Variants in MXRA8 observed in about 807,000 individuals in gnomAD.
MXRA8 encodes matrix remodeling associated 8.
A neutral mutation model predicts 51.4 loss-of-function variants in MXRA8; 44 were observed. The observed-to-expected ratio is 0.86, with a 90% confidence interval of 0.67 to 1.10. The LOEUF (loss-of-function observed/expected upper bound fraction) is 1.10. Among genes scored for constraint, MXRA8 ranks in the 50% least tolerant of loss-of-function variants. The probability of loss-of-function intolerance (pLI) is 0.00; values close to 1 mark genes in which losing one functional copy is unlikely to be tolerated. For synonymous variants in MXRA8, 369 were observed against 293.5 expected, an observed-to-expected ratio of 1.26 and a Z score of -2.63; for missense variants, 765 against 638.9, an observed-to-expected ratio of 1.20 and a Z score of -2.13.
At chr1:1,361,497 AC>A, upstream of MXRA8, 1 of 575,422 alleles carries the variant, frequency 1.7e-6, no homozygotes, top group Non-Finnish European at 3.1e-6. Context: ...AACCTCTGTG[AC>A]AGCAAATGCC....
chr1:1,362,552 G>C (rs1333414111), upstream of MXRA8, among the ~76,000 whole-genome samples: 1 of 151,926 alleles, frequency 6.6e-6, no homozygotes, highest in East Asian at 1.9e-4. Flanking sequence ...GGCCAAGGTG[G>C]GCAGATCACC....
At position 1,352,907 on chromosome 1, in the gene MXRA8, G is replaced by C. The variant is rs1380988674; in HGVS notation, c.*697C>G. On this transcript the variant is annotated 3_prime_UTR_variant, in exon 10 of 10. Coordinates refer to ENST00000309212, the MANE Select transcript of MXRA8 (RefSeq NM_032348.4). The stretch of plus-strand genomic sequence containing the variant: ...AGGGTCAGAAGTCACAGGGAGCCCA[G>C]TGACTATCAAGGTGGCTGAGAGCAA... The C allele has an allele frequency of 6.2e-6, 2 of 321,222 alleles. No homozygotes were observed. The highest frequency in any genetic ancestry group is 1.2e-5 in the Non-Finnish European group (2 of 171,922). The allele number at this position is 321,222 out of a possible 1,614,324, so 19.9% of individuals were successfully genotyped here. A position where few individuals can be genotyped will look rare whatever the true frequency, so the allele number is the denominator to read the frequency against.
At chr1:1,357,317 G>A (rs1047260788) in intron 1 of MXRA8, among the ~76,000 whole-genome samples, 4 of 152,256 alleles carry the variant, frequency 2.6e-5, no homozygotes, top group African/African-American at 9.6e-5. Context: ...CTGCCACCCG[G>A]GACAGTTTCC....
In MXRA8 at chr1:1,355,050, G is replaced by A. The variant is rs764631766; in HGVS notation, c.581C>T (p.Thr194Ile). 1.9e-6 allele frequency: 3 copies of A among 1,605,998 alleles called. No homozygotes were observed. The highest frequency in any genetic ancestry group is 1.7e-5 in the Admixed American group (1 of 59,348). ...TTGAGCCTCCTCCACGTGCCGGTCG[G>A]TCCACACGTGCCCGCGGTTCACGCA... ...LTCVNRGHVWTDRHVEEAQQV... is the reference protein window; with the variant it reads ...LTCVNRGHVWIDRHVEEAQQV... Residue 194 changes from threonine to isoleucine, a missense_variant, in exon 5 of 10, where the codon ACC becomes ATC. Transcript: ENST00000309212.
Position 1,354,505 on chromosome 1 carries a change from G to A in MXRA8, c.954C>T (p.Pro318=), listed in dbSNP as rs1644076728. 3.1e-6 allele frequency: 5 copies of A among 1,611,066 alleles called. No homozygotes were observed. The highest frequency in any genetic ancestry group is 1.7e-4 in the Middle Eastern group (1 of 5,864). Residue 318 remains proline, a synonymous_variant, in exon 6 of 10, where the codon CCC becomes CCT. Coordinates refer to ENST00000309212, the MANE Select transcript of MXRA8 (RefSeq NM_032348.4). ...SSHSGAPGPD[P]TLARGHNVIN... ...TGACGTTGTGGCCGCGCGCCAGTGTGGGGTCTGCGGGGAACGCGGGGTCGG... is the reference window on the plus strand; with the variant it reads ...TGACGTTGTGGCCGCGCGCCAGTGTAGGGTCTGCGGGGAACGCGGGGTCGG...
Position 1,355,226 on chromosome 1 carries a change from C to CGGGGGGGGGGGCGGGGGGGGGG in MXRA8, c.478+17_478+18insCCCCCCCCCCGCCCCCCCCCCC. ...GGGTCGAGGGGCGGGAGCTGGGGGG[C>CGGGGGGGGGGGCGGGGGGGGGG]GGGGGGGAAGCACTCACGGCCGTCG... On this transcript the variant is annotated intron_variant, in intron 4 of 9. Coordinates refer to ENST00000309212, the MANE Select transcript of MXRA8 (RefSeq NM_032348.4). 1.5e-6 allele frequency: 1 copy of CGGGGGGGGGGGCGGGGGGGGGG among 663,490 alleles called. No individual in the cohort carries two copies. The highest frequency in any genetic ancestry group is 6.9e-5 in the East Asian group (1 of 14,542). 41.1% of individuals were successfully genotyped at this position (663,490 alleles called of 1,614,324 possible).
In MXRA8 at chr1:1,358,458, T is replaced by C. The variant is rs1440168326; in HGVS notation, c.47A>G (p.Gln16Arg). The change falls in exon 1 of 10, where the codon CAG (glutamine) becomes CGG (arginine). Residue 16 changes from glutamine to arginine, a missense_variant and splice_region_variant. Physicochemically the swap from Gln to Arg is conservative, Grantham distance 43. Coordinates refer to ENST00000309212, the MANE Select transcript of MXRA8 (RefSeq NM_032348.4). ...RILLWKLVLLQSSAVLLHSGS... is the reference protein window; with the variant it reads ...RILLWKLVLLRSSAVLLHSGS... The stretch of plus-strand genomic sequence containing the variant: ...GCCTCCCAGGGCCCCACACTCACTC[T>C]GCAGAAGCACAAGTTTCCAAAGCAG... 1.9e-6 allele frequency: 3 copies of C among 1,603,772 alleles called. No homozygotes were observed. Among genetic ancestry groups the C allele is most frequent in the Non-Finnish European group, 1.7e-6 (2 of 1,172,422 alleles).
intron 1 of MXRA8, among the ~76,000 whole-genome samples, chr1:1,357,162 G>C (rs1297367982): frequency 6.6e-6 from 1 of 152,214 alleles, no homozygotes; most frequent in East Asian, 1.9e-4. Flanking sequence ...CTTCCGCAGG[G>C]CAGAGGCCTG....
intron 3 of MXRA8, 45 bp from the exon 4 acceptor site, chr1:1,355,390 C>T: frequency 6.5e-7 from 1 of 1,527,860 alleles, no homozygotes; most frequent in East Asian, 2.7e-5. Context: ...GCGGTGCCCC[C>T]GACCCCGCGG....
upstream of MXRA8, chr1:1,359,021 C>A (rs1478766883): frequency 1.0e-6 from 1 of 985,330 alleles, no homozygotes; most frequent in African/African-American, 1.7e-5. Context: ...CTCCTTCAGA[C>A]CAGATGGCCC....
At chr1:1,361,359 G>C (rs779715163), upstream of MXRA8, 13 of 701,742 alleles carry the variant, frequency 1.9e-5, no homozygotes, top group Non-Finnish European at 3.1e-5. Context: ...TCAGCACTAA[G>C]CCGGGTGCCA....
upstream of MXRA8, chr1:1,359,587 C>T (rs763811727): frequency 9.1e-6 from 9 of 985,094 alleles, no homozygotes; most frequent in African/African-American, 1.7e-5. Flanking sequence ...TGCTCTGGTG[C>T]CCAAGTCCTC....
Position 1,354,144 on chromosome 1 carries a change from G to A in MXRA8, c.1146-38C>T, listed in dbSNP as rs373825519. On this transcript the variant is annotated intron_variant, in intron 7 of 9. Transcript: ENST00000309212. ...GGTGGGAGGAGGTTACAGCTGGGTG[G>A]GGTGAAGGGGGCCCTGGTCCCCAGG... The A allele has an allele frequency of 1.1e-4, 174 of 1,612,790 alleles. 1 individual carries two copies. The African/African-American group carries it at 2.2e-3, about 20-fold the overall frequency.
At position 1,355,163 on chromosome 1, in the gene MXRA8, G is replaced by T; in HGVS notation, c.479-11C>A. On this transcript the variant is annotated splice_polypyrimidine_tract_variant and intron_variant, in intron 4 of 9. Transcript: ENST00000309212. ...CGGGGGTGGCCGGGGCTGCGGAGGG[G>T]GCGCGGTCAGCGGCGCGCGGGCCGG... 7.2e-7 allele frequency: 1 copy of T among 1,392,984 alleles called. No homozygotes were observed. The highest frequency in any genetic ancestry group is 9.2e-7 in the Non-Finnish European group (1 of 1,082,890). 86.3% of individuals were successfully genotyped at this position (1,392,984 alleles called of 1,614,324 possible).
chr1:1,354,179 A>G lies in MXRA8; in HGVS notation c.1145+14T>C, dbSNP rs1557681154. ...GGCCCTGGTCCCCAGGAGGGCCGGG[A>G]GGGGGGCACTCACCCCTTTGACTTT... On this transcript the variant is annotated intron_variant, in intron 7 of 9. Coordinates refer to ENST00000309212, the MANE Select transcript of MXRA8 (RefSeq NM_032348.4). 10 of 1,612,484 alleles carry G rather than the reference A, an allele frequency of 6.2e-6. No homozygotes were observed. The South Asian group carries it at 1.1e-4, about 18-fold the overall frequency.
chr1:1,363,290 A>G (rs977823387), upstream of MXRA8, among the ~76,000 whole-genome samples: 21 of 152,108 alleles, frequency 1.4e-4, no homozygotes, highest in African/African-American at 5.1e-4. Flanking sequence ...CTCAAAAACA[A>G]AACAAAAGGA....
intron 2 of MXRA8, 71 bp downstream of exon 2, chr1:1,356,610 G>A: frequency 8.5e-7 from 1 of 1,172,330 alleles, no homozygotes; most frequent in Non-Finnish European, 1.1e-6. Context: ...GGACCCCCGG[G>A]GGCTGGGCCT....
Position 1,355,088 on chromosome 1 carries a change from G to T in MXRA8, c.543C>A (p.Pro181=). 6.4e-7 allele frequency: 1 copy of T among 1,555,448 alleles called. No individual in the cohort carries two copies. ...CGCGGTTCACGCAGGTCAGAAGCGC[G>T]GGTGCGCCGCGCGCCACCGCCAGCA... ...KEVLAVARGA[P]ALLTCVNRGH... Residue 181 remains proline (P), a synonymous_variant, in exon 5 of 10, where the codon CCC becomes CCA. Coordinates refer to ENST00000309212, the MANE Select transcript of MXRA8 (RefSeq NM_032348.4).
chr1:1,353,459 G>A lies in MXRA8; in HGVS notation c.*145C>T, dbSNP rs1644043435. 18 of 1,502,634 alleles carry A rather than the reference G, an allele frequency of 1.2e-5. No homozygotes were observed. The highest frequency in any genetic ancestry group is 2.3e-5 in the Admixed American group (1 of 43,188). 93.1% of individuals were successfully genotyped at this position (1,502,634 alleles called of 1,614,324 possible). A position where few individuals can be genotyped will look rare whatever the true frequency, so the allele number is the denominator to read the frequency against. On this transcript the variant is annotated 3_prime_UTR_variant, in exon 10 of 10. Coordinates refer to ENST00000309212, the MANE Select transcript of MXRA8 (RefSeq NM_032348.4). Reference sequence around the variant, plus strand: ...GCCCCTGGGAGAGGGGTGTGGAGGCGGCCTCTGCATACGCCCAGGCCAAAT... The same window carrying A: ...GCCCCTGGGAGAGGGGTGTGGAGGCAGCCTCTGCATACGCCCAGGCCAAAT...
Sources: gnomAD v4.1 joint callset for allele counts (sites outside exome capture counted in the v4.1 genomes callset) on GRCh38, gnomAD v4.1.1 for gene constraint, MANE v1.5 for transcripts, NCBI Gene and HGNC (gene_info 2026-07-23, HGNC 2026-07-21) for gene names.